Variants in SHQ1 observed in about 807,000 individuals in gnomAD.
The protein encoded by SHQ1 is SHQ1, H/ACA ribonucleoprotein assembly factor.
SHQ1 carries 49 observed loss-of-function variants against 53.8 expected under a neutral mutation model. The ratio of observed to expected loss-of-function variants is 0.91; its 90% CI spans 0.72 to 1.16. The LOEUF (loss-of-function observed/expected upper bound fraction) is 1.16, where lower values mean the gene tolerates loss of function less well. SHQ1 is among the 50% of genes most tolerant of loss of function. SHQ1 has a pLI of 0.00. For synonymous variants in SHQ1, 243 were observed against 251.0 expected (o/e 0.97, Z 0.30); for missense variants, 738 against 683.1 (o/e 1.08, Z -0.90).
chr3:72,836,147 C>T (rs1164141063), intron 4 of SHQ1, among the ~76,000 whole-genome samples: 1 of 152,196 alleles, frequency 6.6e-6, no homozygotes, highest in Non-Finnish European at 1.5e-5. Flanking sequence ...AAACACACAG[C>T]ACACAGACCA....
chr3:72,818,335 C>T lies in SHQ1; in HGVS notation c.728-951G>A, dbSNP rs1707378559. ...TCACTTTGCTTCTAGTTTTCTGCCACTGCTAATAATGCTGCAATAAATATC... is the reference window on the plus strand; with the variant it reads ...TCACTTTGCTTCTAGTTTTCTGCCATTGCTAATAATGCTGCAATAAATATC... On this transcript the variant is annotated intron_variant, in intron 6 of 10. Coordinates refer to ENST00000325599, the MANE Select transcript of SHQ1 (RefSeq NM_018130.3). 2.0e-5 allele frequency among the ~76,000 whole-genome samples: 3 copies of T among 152,144 alleles called. No individual in the cohort carries two copies. In the South Asian group the frequency reaches 6.2e-4, roughly 31 times the overall value.
At chr3:72,752,368 GAC>G (rs1289573913) in intron 10 of SHQ1, among the ~76,000 whole-genome samples, 2 of 152,190 alleles carry the variant, frequency 1.3e-5, no homozygotes, top group African/African-American at 4.8e-5. Flanking sequence ...TATGGGGGAT[GAC>G]ACAGGATGAT....
chr3:72,842,467 AC>A, intron 2 of SHQ1, 65 bp from the exon 3 acceptor site: 3 of 1,468,162 alleles, frequency 2.0e-6, no homozygotes, highest in Non-Finnish European at 2.8e-6. Flanking sequence ...AATAGCTTAC[AC>A]CAGTAATCCC....
At position 72,776,583 on chromosome 3, in the gene SHQ1, T is replaced by C. The variant is rs529871151; in HGVS notation, c.1181+16333A>G. On this transcript the variant is annotated intron_variant, in intron 10 of 10. Transcript: ENST00000325599. The stretch of plus-strand genomic sequence containing the variant: ...TTAAACAGGCAGTTTGTAAGTAATT[T>C]TTTTAAAAAAGTATTTACATCAGCA... Among the ~76,000 whole-genome samples, 173 of 152,274 alleles carry C rather than the reference T, an allele frequency of 1.1e-3. 1 individual carries two copies. The highest frequency in any genetic ancestry group is 6.8e-3 in the Middle Eastern group (2 of 294).
At chr3:72,746,062 C>T (rs1278180027), downstream of SHQ1, among the ~76,000 whole-genome samples, 4 of 152,104 alleles carry the variant, frequency 2.6e-5, no homozygotes, top group Non-Finnish European at 4.4e-5. Context: ...AGGCTGGTCT[C>T]GAACTCCTGA....
chr3:72,827,777 CAG>C (rs1254519096), intron 5 of SHQ1, among the ~76,000 whole-genome samples: 2 of 119,404 alleles, frequency 1.7e-5, no homozygotes, highest in African/African-American at 6.6e-5. Context: ...TTTTTTGAGA[CAG>C]AGTCTCACTC....
chr3:72,812,626 TA>T (rs1707159829), intron 9 of SHQ1, 44 bp downstream of exon 9: 3 of 1,605,590 alleles, frequency 1.9e-6, no homozygotes, highest in Non-Finnish European at 2.6e-6. Flanking sequence ...ACTAAAAACT[TA>T]CAACTTTTTC....
intron 10 of SHQ1, among the ~76,000 whole-genome samples, chr3:72,769,411 C>T (rs1705799711): frequency 6.6e-6 from 1 of 152,206 alleles, no homozygotes; most frequent in African/African-American, 2.4e-5. Flanking sequence ...AGACTTAGTT[C>T]CATCTCCCCA....
At chr3:72,833,491 TA>T (rs1707894305) in intron 4 of SHQ1, among the ~76,000 whole-genome samples, 1 of 96,226 alleles carries the variant, frequency 1.0e-5, no homozygotes, top group Non-Finnish European at 2.2e-5. Flanking sequence ...GATAGATAGA[TA>T]GATAGATAGA....
At chr3:72,750,980 T>C (rs1705353816) in intron 10 of SHQ1, 144 bp from the exon 11 acceptor site, 4 of 609,526 alleles carry the variant, frequency 6.6e-6, no homozygotes, top group Non-Finnish European at 1.0e-5. Context: ...TCCAAGATAT[T>C]TATGTAAAAA....
At chr3:72,797,756 A>G (rs1706671410) in intron 9 of SHQ1, among the ~76,000 whole-genome samples, 1 of 152,268 alleles carries the variant, frequency 6.6e-6, no homozygotes, top group Admixed American at 6.5e-5. Context: ...TAGAATAAAA[A>G]GTACATGAAA....
At chr3:72,829,300 A>G (rs1707759721) in intron 5 of SHQ1, among the ~76,000 whole-genome samples, 1 of 152,224 alleles carries the variant, frequency 6.6e-6, no homozygotes. Flanking sequence ...TCTTCTTCAT[A>G]GCACTTGATT....
At chr3:72,752,871 G>T in intron 10 of SHQ1, 1 of 487,556 alleles carries the variant, frequency 2.1e-6, no homozygotes, top group Non-Finnish European at 2.7e-6. Flanking sequence ...CACCATGTTG[G>T]CCGAGATGGT....
chr3:72,786,382 G>A (rs1706232218), intron 10 of SHQ1, among the ~76,000 whole-genome samples: 1 of 152,192 alleles, frequency 6.6e-6, no homozygotes, highest in African/African-American at 2.4e-5. Flanking sequence ...CAGGACAAAG[G>A]CCAAGCATCT....
intron 1 of SHQ1, chr3:72,846,295 GTTC>G (rs1246438612): frequency 6.1e-6 from 9 of 1,468,506 alleles, no homozygotes; most frequent in Non-Finnish European, 8.1e-6. Context: ...CAAACTGTAT[GTTC>G]TTTTTTTTTT....
At chr3:72,832,668 G>A (rs1257553563) in intron 4 of SHQ1, among the ~76,000 whole-genome samples, 187 bp from the exon 5 acceptor site, 4 of 152,168 alleles carry the variant, frequency 2.6e-5, no homozygotes, top group Non-Finnish European at 5.9e-5. Flanking sequence ...GGGCCTGTGA[G>A]ATCTTTCTCA....
intron 4 of SHQ1, among the ~76,000 whole-genome samples, chr3:72,838,731 C>T (rs1322015368): frequency 1.3e-5 from 2 of 152,106 alleles, no homozygotes; most frequent in African/African-American, 2.4e-5. Context: ...AAACTCCTGA[C>T]CCGCCTGCCT....
At chr3:72,733,813 A>T in the SHQ1 span, among the ~76,000 whole-genome samples, 1 of 151,714 alleles carries the variant, frequency 6.6e-6, no homozygotes, top group East Asian at 1.9e-4. Flanking sequence ...ATGTAAGTTT[A>T]GTTGCCAATG....
intron 6 of SHQ1, among the ~76,000 whole-genome samples, chr3:72,823,664 G>A (rs987575450): frequency 6.6e-6 from 1 of 152,186 alleles, no homozygotes; most frequent in Non-Finnish European, 1.5e-5. Context: ...GTACAAACCG[G>A]GTATACGTGA....
Sources: allele counts gnomAD v4.1 joint callset (sites outside exome capture counted in the v4.1 genomes callset), GRCh38; gene constraint gnomAD v4.1.1; transcripts MANE v1.5; gene names NCBI Gene and HGNC (gene_info 2026-07-23, HGNC 2026-07-21).